RBFOX1: variants seen among roughly 807,000 people sequenced by gnomAD.
RBFOX1 encodes RNA binding protein fox-1 homolog 1.
RBFOX1 carries 8 observed loss-of-function variants against 57.7 expected under a neutral mutation model. The ratio of observed to expected loss-of-function variants is 0.14; its 90% confidence interval spans 0.08 to 0.25. The LOEUF is 0.25. Ranked by LOEUF, RBFOX1 falls within the 10% of genes least tolerant of loss-of-function variation. The pLI, the probability that RBFOX1 is intolerant of heterozygous loss-of-function variation, is 1.00. For missense variants in RBFOX1, 611 were observed against 548.5 expected, an observed-to-expected ratio of 1.11 and a Z score of -1.14; for synonymous variants, 326 against 222.4, an observed-to-expected ratio of 1.47 and a Z score of -4.15.
At chr16:5,503,868 C>T (rs919729553) in intron 2 of RBFOX1, among the ~76,000 whole-genome samples, 3 of 152,194 alleles carry the variant, frequency 2.0e-5, no homozygotes, top group African/African-American at 7.2e-5. Flanking sequence ...TTGTCTGGTC[C>T]TCCCAGCCCC....
chr16:7,013,818 C>G (rs1262912572), intron 3 of RBFOX1, among the ~76,000 whole-genome samples: 1 of 151,978 alleles, frequency 6.6e-6, no homozygotes, highest in Non-Finnish European at 1.5e-5. Context: ...CCAACATGCC[C>G]AGTTAATTTT....
chr16:5,801,745 A>G (rs867729027), intron 3 of RBFOX1, among the ~76,000 whole-genome samples: 12 of 148,682 alleles, frequency 8.1e-5, no homozygotes, highest in South Asian at 2.1e-4. Flanking sequence ...CCAACAACAT[A>G]GGTTTTTTGT....
At chr16:5,959,726 C>T (rs567537815) in intron 4 of RBFOX1, among the ~76,000 whole-genome samples, 3 of 152,268 alleles carry the variant, frequency 2.0e-5, no homozygotes, top group African/African-American at 4.8e-5. Context: ...GCAGGAGAAT[C>T]ACTTGATCCC....
At chr16:5,637,054 C>G (rs2048705934) in intron 3 of RBFOX1, among the ~76,000 whole-genome samples, 1 of 152,202 alleles carries the variant, frequency 6.6e-6, no homozygotes, top group African/African-American at 2.4e-5. Flanking sequence ...AATGCAATAT[C>G]AGTGTTTTCT....
At chr16:7,117,916 G>C (rs1335595947) in intron 4 of RBFOX1, among the ~76,000 whole-genome samples, 1 of 152,120 alleles carries the variant, frequency 6.6e-6, no homozygotes, top group Non-Finnish European at 1.5e-5. Context: ...TCCAGAAATG[G>C]GTGGAGAGAG....
chr16:7,078,300 T>C (rs982158003), intron 4 of RBFOX1, among the ~76,000 whole-genome samples: 1 of 152,136 alleles, frequency 6.6e-6, no homozygotes, highest in Non-Finnish European at 1.5e-5. Context: ...AACCCAGAAA[T>C]GGTTTATCTT....
chr16:7,346,303 G>A (rs570492888), intron 4 of RBFOX1, among the ~76,000 whole-genome samples: 1 of 152,072 alleles, frequency 6.6e-6, no homozygotes, highest in East Asian at 2.0e-4. Flanking sequence ...TGTCAGCAAC[G>A]AGACGTCTAT....
At chr16:7,500,549 G>T (rs1266438607) in intron 4 of RBFOX1, among the ~76,000 whole-genome samples, 1 of 152,048 alleles carries the variant, frequency 6.6e-6, no homozygotes, top group East Asian at 1.9e-4. Context: ...TAGACTTGTC[G>T]GGTCATATGG....
intron 3 of RBFOX1, among the ~76,000 whole-genome samples, chr16:7,041,254 G>A (rs935196434): frequency 6.6e-6 from 1 of 151,980 alleles, no homozygotes; most frequent in Admixed American, 6.6e-5. Flanking sequence ...AATTTTATTG[G>A]AACACAGTGG....
At chr16:6,727,309 GA>G (rs1204417538) in intron 3 of RBFOX1, among the ~76,000 whole-genome samples, 12 of 148,916 alleles carry the variant, frequency 8.1e-5, no homozygotes, top group African/African-American at 1.7e-4. Context: ...TCTTTCAGTA[GA>G]AAAAAAAACG....
chr16:6,576,593 T>TC (rs1253246602), intron 2 of RBFOX1, among the ~76,000 whole-genome samples: 1 of 152,174 alleles, frequency 6.6e-6, no homozygotes, highest in Non-Finnish European at 1.5e-5. Flanking sequence ...CTCTGAACCT[T>TC]CTTTGAACTC....
chr16:6,178,903 C>A (rs1315498133), intron 1 of RBFOX1, among the ~76,000 whole-genome samples: 1 of 152,168 alleles, frequency 6.6e-6, no homozygotes, highest in Non-Finnish European at 1.5e-5. Flanking sequence ...TAGCTGAATA[C>A]TCTCATATAA....
chr16:5,501,720 A>G (rs886797813), intron 2 of RBFOX1, among the ~76,000 whole-genome samples: 18 of 151,984 alleles, frequency 1.2e-4, no homozygotes, highest in Non-Finnish European at 4.4e-5. Context: ...GATGATTACT[A>G]TTATTATTTT....
At chr16:5,428,064 C>T (rs942393480) in intron 1 of RBFOX1, among the ~76,000 whole-genome samples, 3 of 152,106 alleles carry the variant, frequency 2.0e-5, no homozygotes, top group Non-Finnish European at 4.4e-5. Flanking sequence ...GGCCCTGTCT[C>T]CTGAGGCAAT....
chr16:7,370,729 G>C (rs1381240991), intron 4 of RBFOX1, among the ~76,000 whole-genome samples: 2 of 152,212 alleles, frequency 1.3e-5, no homozygotes, highest in African/African-American at 4.8e-5. Context: ...CAGTTTTCCT[G>C]TTTAGGTACC....
intron 1 of RBFOX1, among the ~76,000 whole-genome samples, chr16:6,031,978 C>G (rs1468383777): frequency 6.6e-6 from 1 of 152,160 alleles, no homozygotes; most frequent in South Asian, 2.1e-4. Flanking sequence ...CTGAATTGTT[C>G]CCTCACTGGC....
chr16:7,441,288 G>A (rs994672760), intron 4 of RBFOX1, among the ~76,000 whole-genome samples: 5 of 152,224 alleles, frequency 3.3e-5, no homozygotes, highest in Non-Finnish European at 5.9e-5. Context: ...GGCCTTGGCA[G>A]TGGTGGAGCT....
At chr16:7,108,130 T>G (rs554388476) in intron 4 of RBFOX1, among the ~76,000 whole-genome samples, 9 of 152,138 alleles carry the variant, frequency 5.9e-5, no homozygotes, top group Non-Finnish European at 1.2e-4. Context: ...CTAATTAGCA[T>G]AAAACAAAAT....
chr16:7,117,026 G>A (rs568478871), intron 4 of RBFOX1, among the ~76,000 whole-genome samples: 1 of 152,126 alleles, frequency 6.6e-6, no homozygotes, highest in Admixed American at 6.6e-5. Context: ...AGTTAGGGAA[G>A]TGAAGACAAG....
Sources: allele counts gnomAD v4.1 joint callset (sites outside exome capture counted in the v4.1 genomes callset), GRCh38; gene constraint gnomAD v4.1.1; transcripts MANE v1.5; gene names NCBI Gene and HGNC (gene_info 2026-07-23, HGNC 2026-07-21).